Variants in ATP2B3 observed in about 807,000 individuals in gnomAD.
ATP2B3 encodes the protein plasma membrane calcium-transporting ATPase 3.
ATP2B3 carries 12 observed loss-of-function variants against 70.8 expected under a neutral mutation model. The ratio of observed to expected loss-of-function variants is 0.17; its 90% CI spans 0.11 to 0.27. ATP2B3 has a LOEUF of 0.27. Among genes scored for constraint, ATP2B3 ranks in the 10% least tolerant of loss-of-function variants. The probability of loss-of-function intolerance (pLI) is 1.00; values close to 1 mark genes in which losing one functional copy is unlikely to be tolerated. For synonymous variants in ATP2B3, 460 were observed against 497.8 expected (o/e 0.92, Z 1.01); for missense variants, 858 against 1,118.5 (o/e 0.77, Z 3.32).
intron 21 of ATP2B3, among the ~76,000 whole-genome samples, chrX:153,570,484 C>G (rs1434310622): frequency 8.9e-6 from 1 of 112,204 alleles, no homozygotes; most frequent in Non-Finnish European, 1.9e-5. Context: ...TTAAAGAGAA[C>G]CCAGGGGCTG....
chrX:153,557,195 T>C (rs1378401747), intron 16 of ATP2B3, among the ~76,000 whole-genome samples, 172 bp downstream of exon 16: 1 of 111,859 alleles, frequency 8.9e-6, no homozygotes, highest in African/African-American at 3.3e-5. Flanking sequence ...GCTCTGCCAG[T>C]CGGGGGACAT....
rs1165061930 is a variant in ATP2B3, at chrX:153,526,985, C to T, written c.-127+8434C>T. On this transcript the variant is annotated intron_variant, in intron 2 of 21. Coordinates refer to ENST00000263519, the MANE Select transcript of ATP2B3 (RefSeq NM_001001344.3). ...ATGGGACTCGTTCCCTAGGAGGACA[C>T]GTGTATGTGTCCTGGTAGCTCCTTA... is the stretch of plus-strand genomic sequence containing the variant. Among the ~76,000 whole-genome samples the T allele has an allele frequency of 3.6e-5, 4 of 112,372 alleles. No homozygotes were observed. The Admixed American group carries it at 3.7e-4, about 10-fold the overall frequency.
At chrX:153,566,871 C>G (rs2090715515) in intron 21 of ATP2B3, among the ~76,000 whole-genome samples, 1 of 111,986 alleles carries the variant, frequency 8.9e-6, no homozygotes, top group Non-Finnish European at 1.9e-5. Context: ...CCACGGGCTC[C>G]TTGCAAAACT....
intron 21 of ATP2B3, among the ~76,000 whole-genome samples, chrX:153,568,660 AAGG>A (rs1382050130): frequency 3.6e-5 from 4 of 112,011 alleles, no homozygotes; most frequent in African/African-American, 1.3e-4. Flanking sequence ...GGCTGAGAAG[AAGG>A]AGGAGTCCTT....
At chrX:153,528,328 C>T (rs1044501286) in intron 2 of ATP2B3, among the ~76,000 whole-genome samples, 19 of 112,234 alleles carry the variant, frequency 1.7e-4, no homozygotes, top group Middle Eastern at 4.6e-3. Flanking sequence ...GCCGCATGTG[C>T]TCTTTGGTGG....
chrX:153,530,876 C>G (rs1416985773), intron 2 of ATP2B3, among the ~76,000 whole-genome samples: 1 of 112,629 alleles, frequency 8.9e-6, no homozygotes, highest in Non-Finnish European at 1.9e-5. Context: ...ATTTCCTTCT[C>G]TTTTCCCATC....
At chrX:153,558,350 G>A in intron 17 of ATP2B3, 47 bp downstream of exon 17, 1 of 1,078,746 alleles carries the variant, frequency 9.3e-7, no homozygotes, top group Non-Finnish European at 1.2e-6. Context: ...CCTGGGCTCA[G>A]GCCTGAGGGC....
intron 21 of ATP2B3, chrX:153,569,885 G>A (rs1004605246): frequency 2.7e-5 from 20 of 750,165 alleles, no homozygotes; most frequent in Admixed American, 1.2e-4. Flanking sequence ...TTTCTTTACC[G>A]CCCTGTCCAG....
chrX:153,561,624 C>T (rs782674375), intron 19 of ATP2B3, among the ~76,000 whole-genome samples: 11 of 111,743 alleles, frequency 9.8e-5, no homozygotes, highest in African/African-American at 2.9e-4. Flanking sequence ...GTCATTGCAG[C>T]GGTTCCAGGG....
chrX:153,578,518 G>C lies in ATP2B3; in HGVS notation c.3343-1460G>C, dbSNP rs184516963. Among the ~76,000 whole-genome samples, 441 of 112,747 alleles carry C rather than the reference G, an allele frequency of 3.9e-3. 2 individuals are homozygous for C. Among genetic ancestry groups the C allele is most frequent in the Admixed American group, 0.028 (299 of 10,764 alleles). On this transcript the variant is annotated intron_variant, in intron 21 of 21. Coordinates refer to ENST00000263519, the MANE Select transcript of ATP2B3 (RefSeq NM_001001344.3). ...GCTGAGGGGCCAGGGAGCAAAGAGA[G>C]GCAGCAAGGACTTGAGTGCGTGAGG...
chrX:153,556,907 TG>T lies in ATP2B3; in HGVS notation c.2327-9del. ...GCCCCAGCCCTGCCCTGCCCTGATCTGTCTTCCAGGGATTATCGACAGCACC... is the reference window on the plus strand; with the variant it reads ...GCCCCAGCCCTGCCCTGCCCTGATCTTCTTCCAGGGATTATCGACAGCACC... On this transcript the variant is annotated splice_polypyrimidine_tract_variant and intron_variant, in intron 15 of 21. Coordinates refer to ENST00000263519, the MANE Select transcript of ATP2B3 (RefSeq NM_001001344.3). 3 of 1,179,448 alleles carry T rather than the reference TG, an allele frequency of 2.5e-6. No homozygotes were observed. Among genetic ancestry groups the T allele is most frequent in the Non-Finnish European group, 3.4e-6 (3 of 877,895 alleles).
chrX:153,562,591 C>A (rs374210631), intron 20 of ATP2B3, among the ~76,000 whole-genome samples: 2 of 111,678 alleles, frequency 1.8e-5, no homozygotes, highest in East Asian at 5.6e-4. Context: ...ATCCATGGGG[C>A]GAAAAGAAAG....
chrX:153,558,120 A>G lies in ATP2B3; in HGVS notation c.2442A>G (p.Ala814=), dbSNP rs782716942. ...KADVGFAMGI[A]GTDVAKEASD... ...GTGTGTCACCCCCCCAGGGCATCGC[A>G]GGGACCGACGTGGCCAAGGAGGCCT... The change falls in exon 17 of 22, where the codon GCA becomes GCG. Residue 814 remains alanine (A), a synonymous_variant. Transcript: ENST00000263519. 9 of 1,208,580 alleles carry G rather than the reference A, an allele frequency of 7.4e-6. No individual in the cohort carries two copies. In the East Asian group the frequency reaches 2.7e-4, roughly 36 times the overall value.
intron 21 of ATP2B3, among the ~76,000 whole-genome samples, chrX:153,577,188 T>C (rs2090868305): frequency 8.8e-6 from 1 of 113,010 alleles, no homozygotes; most frequent in Non-Finnish European, 1.9e-5. Context: ...GCAGATGCCA[T>C]CCGGGAGGGG....
rs1557016580 is a variant in ATP2B3 at position 153,562,125 on chromosome X, C to G, written c.3052-10C>G. The G allele has an allele frequency of 8.3e-7, 1 of 1,207,604 alleles. No homozygotes were observed. Among genetic ancestry groups the G allele is most frequent in the Non-Finnish European group, 1.1e-6 (1 of 891,362 alleles). On this transcript the variant is annotated splice_polypyrimidine_tract_variant and intron_variant, in intron 19 of 21. Transcript: ENST00000263519. ...GCTGGACCTGCCTCTCTCCCACTTGCCCTTCGCAGATTGTCATCGTCCAGT... is the reference window on the plus strand; with the variant it reads ...GCTGGACCTGCCTCTCTCCCACTTGGCCTTCGCAGATTGTCATCGTCCAGT...
chrX:153,570,008 G>T, intron 21 of ATP2B3: 1 of 416,888 alleles, frequency 2.4e-6, no homozygotes, highest in Non-Finnish European at 4.1e-6. Context: ...TTCGGTTTGT[G>T]TTTAGTGCTC....
rs368025586 is a variant in ATP2B3, at chrX:153,553,266, C to T, written c.2055C>T (p.Pro685=). Residue 685 remains proline, a synonymous_variant, in exon 13 of 22, where the codon CCC becomes CCT. Coordinates refer to ENST00000263519, the MANE Select transcript of ATP2B3 (RefSeq NM_001001344.3). ...TGGGCATTGAGGACCCTGTGCGGCC[C>T]GAGGTAGCCACCACCTTCTCTGTGA... ...AVVGIEDPVR[P]EVPEAIRKCQ... is the part of the protein sequence containing the mutation. The T allele has an allele frequency of 4.2e-6, 5 of 1,196,252 alleles. No homozygotes were observed. Among genetic ancestry groups the T allele is most frequent in the Non-Finnish European group, 5.6e-6 (5 of 885,099 alleles).
At chrX:153,571,167 G>A (rs191556906) in intron 21 of ATP2B3, among the ~76,000 whole-genome samples, 2 of 112,281 alleles carry the variant, frequency 1.8e-5, no homozygotes, top group Admixed American at 9.3e-5. Context: ...GGCGCCTCCA[G>A]TGCCCTAGAC....
chrX:153,556,281 C>G (rs782077466), intron 14 of ATP2B3, 50 bp from the exon 15 acceptor site: 1 of 1,200,443 alleles, frequency 8.3e-7, no homozygotes, highest in South Asian at 1.8e-5. Flanking sequence ...ACCCCAGCCC[C>G]CTGCGTGCCC....
Sources: allele counts gnomAD v4.1 joint callset (sites outside exome capture counted in the v4.1 genomes callset), GRCh38; gene constraint gnomAD v4.1.1; transcripts MANE v1.5; gene names NCBI Gene and HGNC (gene_info 2026-07-23, HGNC 2026-07-21).